Variants in USP25 observed in about 807,000 individuals in gnomAD.
USP25 encodes ubiquitin specific peptidase 25, also known as ubiquitin carboxyl-terminal hydrolase 25.
USP25 carries 85 observed loss-of-function variants against 158.5 expected under a neutral mutation model. That is an observed-to-expected ratio of 0.54 (90% CI 0.45 to 0.64). The LOEUF (loss-of-function observed/expected upper bound fraction) is 0.64. Ranked by LOEUF, USP25 falls within the 30% of genes least tolerant of loss-of-function variation. The probability of loss-of-function intolerance (pLI) is 0.00; values close to 1 mark genes in which losing one functional copy is unlikely to be tolerated. For synonymous variants in USP25, 464 were observed against 460.4 expected, an observed-to-expected ratio of 1.01 and a Z score of -0.10; for missense variants, 1,242 against 1,327.3, an observed-to-expected ratio of 0.94 and a Z score of 1.00.
intron 1 of USP25, among the ~76,000 whole-genome samples, chr21:15,754,496 C>T (rs1400616225): frequency 6.6e-6 from 1 of 152,158 alleles, no homozygotes; most frequent in Non-Finnish European, 1.5e-5. Context: ...TTTAAGAGTT[C>T]TTGTCGTCTT....
intron 22 of USP25, 59 bp downstream of exon 22, chr21:15,866,403 T>C (rs1256621102): frequency 2.6e-5 from 34 of 1,309,244 alleles, no homozygotes; most frequent in African/African-American, 3.0e-5. Context: ...TTCACTGATA[T>C]TCCTTTCGTT....
chr21:15,773,453 T>A (rs1421298757), intron 3 of USP25: 1 of 151,928 alleles, frequency 6.6e-6, no homozygotes, highest in East Asian at 1.9e-4. Context: ...CATGCAGGAA[T>A]CGTGTAACCA....
chr21:15,825,884 T>C (rs535489343), intron 12 of USP25, among the ~76,000 whole-genome samples: 175 of 152,310 alleles, frequency 1.1e-3, no homozygotes, highest in African/African-American at 4.1e-3. Context: ...TGAGACCAGA[T>C]GCCAGATCTA....
chr21:15,846,106 A>ATG lies in USP25; in HGVS notation c.2338-1541_2338-1540dup, dbSNP rs1238472535. ...AAGGATAAGTTGTGGATTTTGATAT[A>ATG]TGTGTGTGTGTGTGTGTATATATAT... is the stretch of plus-strand genomic sequence containing the variant. On this transcript the variant is annotated intron_variant, in intron 18 of 25. Transcript: ENST00000400183. 3.7e-3 allele frequency among the ~76,000 whole-genome samples: 425 copies of ATG among 115,526 alleles called. 7 individuals are homozygous for ATG. The highest frequency in any genetic ancestry group is 6.3e-3 in the East Asian group (23 of 3,640). 75.8% of individuals were successfully genotyped at this position (115,526 alleles called of 152,430 possible). A position where few individuals can be genotyped will look rare whatever the true frequency, so the allele number is the denominator to read the frequency against.
At chr21:15,793,696 A>C (rs574644970) in intron 5 of USP25, among the ~76,000 whole-genome samples, 8 of 151,738 alleles carry the variant, frequency 5.3e-5, no homozygotes, top group African/African-American at 1.4e-4. Flanking sequence ...ATGGCCTAAT[A>C]AGATAATGGC....
chr21:15,843,460 C>A lies in USP25; in HGVS notation c.2337+920C>A, dbSNP rs984498746. 6.6e-6 allele frequency among the ~76,000 whole-genome samples: 1 copy of A among 152,076 alleles called. No individual in the cohort carries two copies. Among genetic ancestry groups the A allele is most frequent in the African/African-American group, 2.4e-5 (1 of 41,424 alleles). ...TAAGACTTCCTTTAGCCAAAATGTTCAAGAGATATGGTACTCTGTTAATTT... is the reference window on the plus strand; with the variant it reads ...TAAGACTTCCTTTAGCCAAAATGTTAAAGAGATATGGTACTCTGTTAATTT... On this transcript the variant is annotated intron_variant, in intron 18 of 25. Transcript: ENST00000400183. This position sits in a 1 kb window ranked among gnomAD's most constrained non-coding sequence, Gnocchi z 4.0.
At position 15,877,955 on chromosome 21, in the gene USP25, A is replaced by C; in HGVS notation, c.3169A>C (p.Asn1057His). The change falls in exon 25 of 26, where the codon AAT (asparagine) becomes CAT (histidine). Residue 1057 changes from asparagine to histidine, a missense_variant. This residue lies in a region of USP25 where 608 missense variants were observed against 605.2 expected (regional missense o/e 1.00). Coordinates refer to ENST00000400183, the MANE Select transcript of USP25 (RefSeq NM_001283041.3). ...KDILAVEDMRNRWCSYLGQEM... is the reference protein window; with the variant it reads ...KDILAVEDMRHRWCSYLGQEM... ...TATACTAGCTGTAGAAGATATGAGA[A>C]ATCGATGGTGTTCCTACCTTGGTCA... is the stretch of plus-strand genomic sequence containing the variant. 1 of 1,613,014 alleles carries C rather than the reference A, an allele frequency of 6.2e-7. No homozygotes were observed. Among genetic ancestry groups the C allele is most frequent in the Non-Finnish European group, 8.5e-7 (1 of 1,179,558 alleles).
chr21:15,759,425 C>G (rs751725718), intron 1 of USP25, among the ~76,000 whole-genome samples: 24 of 149,064 alleles, frequency 1.6e-4, no homozygotes, highest in Admixed American at 2.7e-4. Context: ...GTACAGCTTG[C>G]TTTTATACAT....
In USP25 at chr21:15,779,158, G is replaced by A. The variant is rs538003734; in HGVS notation, c.392+1131G>A. 2.6e-5 allele frequency among the ~76,000 whole-genome samples: 4 copies of A among 151,566 alleles called. No individual in the cohort carries two copies. In the South Asian group the frequency reaches 8.3e-4, roughly 31 times the overall value. On this transcript the variant is annotated intron_variant, in intron 4 of 25. Coordinates refer to ENST00000400183, the MANE Select transcript of USP25 (RefSeq NM_001283041.3). ...TGTAAAGACTTAATTAAACTCTATT[G>A]TCCCCCTCATTAGTTGTGGCTAATA...
At chr21:15,874,593 T>C (rs146498571) in intron 24 of USP25, 67 bp downstream of exon 24, 2 of 1,459,324 alleles carry the variant, frequency 1.4e-6, no homozygotes, top group South Asian at 1.4e-5. Flanking sequence ...TCCAGACTCA[T>C]ATATAAGTGA....
Position 15,846,145 on chromosome 21 carries a change from TATATATATA to T in USP25, c.2338-1517_2338-1509del, listed in dbSNP as rs1267220819. Among the ~76,000 whole-genome samples, 245 of 68,314 alleles carry T rather than the reference TATATATATA, an allele frequency of 3.6e-3. 11 individuals are homozygous for T. The highest frequency in any genetic ancestry group is 0.016 in the African/African-American group (229 of 14,030). 44.8% of individuals were successfully genotyped at this position (68,314 alleles called of 152,430 possible). A position where few individuals can be genotyped will look rare whatever the true frequency, so the allele number is the denominator to read the frequency against. On this transcript the variant is annotated intron_variant, in intron 18 of 25. Coordinates refer to ENST00000400183, the MANE Select transcript of USP25 (RefSeq NM_001283041.3). ...GTGTATATATATATATATATATATA[TATATATATA>T]TATATTTTTTTTTTTTTTTTTTTTT...
At chr21:15,808,546 T>TTGTGTGTGTGTGTGTGTGTG (rs35849786) in intron 7 of USP25, among the ~76,000 whole-genome samples, 312 of 148,470 alleles carry the variant, frequency 2.1e-3, no homozygotes, top group African/African-American at 7.3e-3. Context: ...TGGTTTTTGA[T>TTGTGTGTGTGTGTGTGTGTG]TGTGTGTGTG....
At chr21:15,817,589 C>A (rs190035439) in intron 9 of USP25, among the ~76,000 whole-genome samples, 1 of 152,148 alleles carries the variant, frequency 6.6e-6, no homozygotes, top group African/African-American at 2.4e-5. Flanking sequence ...AATGGACTCA[C>A]AGTTTTACAT....
intron 20 of USP25, among the ~76,000 whole-genome samples, chr21:15,852,542 T>C (rs1169740780): frequency 6.6e-6 from 1 of 152,186 alleles, no homozygotes; most frequent in Non-Finnish European, 1.5e-5. Context: ...TTATTGTTGT[T>C]AGTATTATCA....
intron 20 of USP25, among the ~76,000 whole-genome samples, chr21:15,854,684 G>T (rs2039051859): frequency 6.6e-6 from 1 of 152,156 alleles, no homozygotes; most frequent in Non-Finnish European, 1.5e-5. Flanking sequence ...AAGAAACTTA[G>T]GTCTGAGTAA....
rs181224826 is a variant in USP25, at chr21:15,750,096, G to A, written c.46-12795G>A. On this transcript the variant is annotated intron_variant, in intron 1 of 25. Transcript: ENST00000400183. ...AACTTTCAACCCCAGTCCAGCATCC[G>A]GGGAGGGAAGAGGGGCTGCAGATTG... Among the ~76,000 whole-genome samples the A allele has an allele frequency of 2.6e-3, 389 of 152,070 alleles. 2 individuals are homozygous for A. The highest frequency in any genetic ancestry group is 8.2e-3 in the African/African-American group (339 of 41,456).
chr21:15,863,128 A>C (rs2039505067), intron 20 of USP25, among the ~76,000 whole-genome samples: 1 of 152,072 alleles, frequency 6.6e-6, no homozygotes, highest in East Asian at 1.9e-4. Context: ...TATCTTAATC[A>C]TATGGTCCTC....
intron 20 of USP25, among the ~76,000 whole-genome samples, 159 bp from the exon 21 acceptor site, chr21:15,864,109 T>C (rs1013910179): frequency 2.1e-5 from 3 of 145,008 alleles, no homozygotes; most frequent in Non-Finnish European, 3.0e-5. Context: ...CTATGGAACA[T>C]GGGACTGTGT....
chr21:15,805,018 G>A (rs374608219), intron 6 of USP25, 103 bp from the exon 7 acceptor site: 1 of 1,187,220 alleles, frequency 8.4e-7, no homozygotes, highest in African/African-American at 1.6e-5. Flanking sequence ...AAACTATATT[G>A]GCTAGTTTAA....
Sources: gnomAD v4.1 joint callset for allele counts (sites outside exome capture counted in the v4.1 genomes callset) on GRCh38, gnomAD v4.1.1 for gene constraint, gnomAD v4.1.1 regional missense constraint, Gnocchi (gnomAD v3.1) non-coding constraint, MANE v1.5 for transcripts, NCBI Gene and HGNC (gene_info 2026-07-23, HGNC 2026-07-21) for gene names.